The following MAN1A2 variants were observed in gnomAD, a reference collection of about 807,000 sequenced individuals.
MAN1A2 encodes the protein mannosyl-oligosaccharide 1,2-alpha-mannosidase IB.
A neutral mutation model predicts 75.7 loss-of-function variants in MAN1A2; 26 were observed. That is an observed-to-expected ratio of 0.34 (90% CI 0.25 to 0.48). The LOEUF (loss-of-function observed/expected upper bound fraction) is 0.48. MAN1A2 is among the 20% of genes least tolerant of loss of function. The pLI, the probability that MAN1A2 is intolerant of heterozygous loss-of-function variation, is 0.99. For missense variants in MAN1A2, 562 were observed against 775.5 expected (o/e 0.72, Z 3.27); for synonymous variants, 247 against 264.6 (o/e 0.93, Z 0.65).
At chr1:117,421,696 T>C (rs1648206323) in intron 5 of MAN1A2, among the ~76,000 whole-genome samples, 1 of 152,082 alleles carries the variant, frequency 6.6e-6, no homozygotes, top group Non-Finnish European at 1.5e-5. Flanking sequence ...TATCTTAATG[T>C]GTAATTTTAT....
At chr1:117,521,964 AT>A (rs1390030322) in intron 12 of MAN1A2, among the ~76,000 whole-genome samples, 4 of 151,944 alleles carry the variant, frequency 2.6e-5, no homozygotes, top group Non-Finnish European at 5.9e-5. Context: ...TCTCACTGAT[AT>A]GTGGGAGCTA....
chr1:117,474,136 G>T (rs1650245214), intron 8 of MAN1A2, among the ~76,000 whole-genome samples: 3 of 151,964 alleles, frequency 2.0e-5, no homozygotes, highest in African/African-American at 7.2e-5. Context: ...GGACAAGTGG[G>T]ATTACCTGTT....
intron 6 of MAN1A2, among the ~76,000 whole-genome samples, chr1:117,458,523 A>ATATTTTTTTTTTT (rs1553236643): frequency 2.7e-4 from 29 of 105,592 alleles, no homozygotes; most frequent in Non-Finnish European, 3.8e-4. Flanking sequence ...ATATATATAT[A>ATATTTTTTTTTTT]TTTTTTTTTT....
chr1:117,402,251 A>G lies in MAN1A2; in HGVS notation c.368A>G (p.Lys123Arg), dbSNP rs772719782. The change falls in exon 2 of 13, where the codon AAA becomes AGA. Residue 123 changes from lysine to arginine, a missense_variant. By Grantham distance (26) the Lys-to-Arg change is conservative (BLOSUM62 2). Coordinates refer to ENST00000356554, the MANE Select transcript of MAN1A2 (RefSeq NM_006699.5). ...ADHEKALEEA[K>R]EKLRKSREEI... ...CATGAGAAGGCCTTGGAAGAAGCAA[A>G]AGAAAAATTAAGAAAGTCAAGAGAG... is the stretch of plus-strand genomic sequence containing the variant. 13 of 1,613,814 alleles carry G rather than the reference A, an allele frequency of 8.1e-6. No individual in the cohort carries two copies. Among genetic ancestry groups the G allele is most frequent in the Non-Finnish European group, 8.5e-6 (10 of 1,179,788 alleles).
At chr1:117,477,633 T>C (rs898677810) in intron 8 of MAN1A2, among the ~76,000 whole-genome samples, 11 of 152,004 alleles carry the variant, frequency 7.2e-5, no homozygotes, top group Non-Finnish European at 1.6e-4. Flanking sequence ...TGATGGAATG[T>C]ATCTCAAAAT....
chr1:117,432,233 T>C (rs1648694502), intron 5 of MAN1A2, among the ~76,000 whole-genome samples: 1 of 152,224 alleles, frequency 6.6e-6, no homozygotes, highest in Non-Finnish European at 1.5e-5. Flanking sequence ...GAGGCTATCA[T>C]TGCAGATTCC....
In MAN1A2 at chr1:117,524,669, C is replaced by G. The variant is rs1394810970; in HGVS notation, c.*1712C>G. 1 of 153,254 alleles carries G rather than the reference C, an allele frequency of 6.5e-6. No homozygotes were observed. Among genetic ancestry groups the G allele is most frequent in the Non-Finnish European group, 1.5e-5 (1 of 68,792 alleles). 9.5% of individuals were successfully genotyped at this position (153,254 alleles called of 1,614,324 possible). On this transcript the variant is annotated 3_prime_UTR_variant, in exon 13 of 13. Coordinates refer to ENST00000356554, the MANE Select transcript of MAN1A2 (RefSeq NM_006699.5). Reference sequence around the variant, plus strand: ...CCACGAATCGTTAATTTTGACAGTTCTACTGATCCGTAAATGATAACCACT... The same window carrying G: ...CCACGAATCGTTAATTTTGACAGTTGTACTGATCCGTAAATGATAACCACT...
chr1:117,409,388 T>C (rs933774104), intron 3 of MAN1A2, among the ~76,000 whole-genome samples: 6 of 148,472 alleles, frequency 4.0e-5, no homozygotes, highest in Non-Finnish European at 7.5e-5. Flanking sequence ...AATCCTTCTG[T>C]TACAGATTTC....
intron 12 of MAN1A2, among the ~76,000 whole-genome samples, chr1:117,520,124 C>T (rs774968771): frequency 1.3e-5 from 2 of 152,008 alleles, no homozygotes; most frequent in African/African-American, 4.8e-5. Flanking sequence ...ATCCAGCATC[C>T]GTTTTATGAT....
chr1:117,370,992 T>G (rs1332755594), intron 1 of MAN1A2, among the ~76,000 whole-genome samples: 3 of 152,150 alleles, frequency 2.0e-5, no homozygotes, highest in Non-Finnish European at 4.4e-5. Flanking sequence ...ACTGAGAAAT[T>G]TTAAAACTCT....
At chr1:117,428,195 A>G (rs1431436969) in intron 5 of MAN1A2, among the ~76,000 whole-genome samples, 2 of 151,718 alleles carry the variant, frequency 1.3e-5, no homozygotes, top group Non-Finnish European at 2.9e-5. Flanking sequence ...GCTCACTGGA[A>G]CCTCAACCTC....
Position 117,460,578 on chromosome 1 carries a change from GC to G in MAN1A2, c.1041del (p.Tyr348ThrfsTer2). The G allele has an allele frequency of 6.2e-7, 1 of 1,609,862 alleles. No individual in the cohort carries two copies. The highest frequency in any genetic ancestry group is 8.5e-7 in the Non-Finnish European group (1 of 1,178,406). On this transcript the variant is annotated frameshift_variant, in exon 7 of 13. Coordinates refer to ENST00000356554, the MANE Select transcript of MAN1A2 (RefSeq NM_006699.5). LOFTEE classifies it high-confidence loss of function. ...GTLHMEFIHLSYLTGDLTYYK... is the reference protein window; with the variant it reads ...GTLHMEFIHLXYLTGDLTYYK... ...CTACATATGGAGTTCATCCACCTCA[GC>G]TACTTGACAGGGGACCTGACTTACT...
intron 11 of MAN1A2, among the ~76,000 whole-genome samples, chr1:117,499,792 G>T: frequency 6.7e-6 from 1 of 149,346 alleles, no homozygotes. Flanking sequence ...TTTCAAAGGA[G>T]GAATTTTTAA....
intron 1 of MAN1A2, among the ~76,000 whole-genome samples, chr1:117,398,150 T>C (rs1647272370): frequency 6.6e-6 from 1 of 152,154 alleles, no homozygotes; most frequent in South Asian, 2.1e-4. Context: ...ATGGAGTTAA[T>C]AGTCATCAGG....
At chr1:117,438,582 A>C (rs553784315) in intron 5 of MAN1A2, among the ~76,000 whole-genome samples, 1 of 152,272 alleles carries the variant, frequency 6.6e-6, no homozygotes, top group African/African-American at 2.4e-5. Context: ...TCGCCAGAGA[A>C]TTTTCAGTAC....
intron 12 of MAN1A2, among the ~76,000 whole-genome samples, chr1:117,517,887 A>G (rs766750833): frequency 4.6e-5 from 7 of 152,046 alleles, no homozygotes; most frequent in Non-Finnish European, 1.0e-4. Context: ...CCAGGGGTAA[A>G]GAAAAAAATC....
rs143366955 is a variant in MAN1A2, at chr1:117,445,124, T to A, written c.950+2799T>A. Among the ~76,000 whole-genome samples the A allele has an allele frequency of 2.2e-4, 34 of 152,312 alleles. No individual in the cohort carries two copies. In the East Asian group the frequency reaches 6.2e-3, roughly 28 times the overall value. ...ACTTTTTTTCCATCTATGGAGATAA[T>A]CATAAGGTTTTTCACCTTTATTCTT... On this transcript the variant is annotated intron_variant, in intron 6 of 12. Coordinates refer to ENST00000356554, the MANE Select transcript of MAN1A2 (RefSeq NM_006699.5).
rs1053796092 is a variant in MAN1A2, at chr1:117,528,194, C to T, written c.*5237C>T. 6.6e-6 allele frequency: 1 copy of T among 152,034 alleles called. No homozygotes were observed. The highest frequency in any genetic ancestry group is 1.5e-5 in the Non-Finnish European group (1 of 67,968). The allele number at this position is 152,034 out of a possible 1,614,324, so 9.4% of individuals were successfully genotyped here. A position where few individuals can be genotyped will look rare whatever the true frequency, so the allele number is the denominator to read the frequency against. On this transcript the variant is annotated 3_prime_UTR_variant, in exon 13 of 13. Transcript: ENST00000356554. ...ACTCATAAAATTGCTTGTGAAATTA[C>T]ACACCATATTACTAGCATATACATT...
intron 8 of MAN1A2, among the ~76,000 whole-genome samples, chr1:117,469,347 G>A (rs1239989391): frequency 6.6e-6 from 1 of 152,012 alleles, no homozygotes; most frequent in Non-Finnish European, 1.5e-5. Context: ...AACCAAAACT[G>A]TAAAACTCTT....
Sources: allele counts gnomAD v4.1 joint callset (sites outside exome capture counted in the v4.1 genomes callset), GRCh38; gene constraint gnomAD v4.1.1; transcripts MANE v1.5; gene names NCBI Gene and HGNC (gene_info 2026-07-23, HGNC 2026-07-21).